The following NUP210L variants were observed in gnomAD, a reference collection of about 807,000 sequenced individuals.
NUP210L encodes the protein nucleoporin 210 like.
NUP210L carries 74 observed loss-of-function variants against 208.5 expected under a neutral mutation model. The ratio of observed to expected loss-of-function variants is 0.35; its 90% CI spans 0.29 to 0.43. NUP210L has a LOEUF of 0.43. Among genes scored for constraint, NUP210L ranks in the 20% least tolerant of loss-of-function variants. The pLI is 1.00. For missense variants in NUP210L, 1,843 were observed against 2,289.4 expected (o/e 0.81, Z 3.98); for synonymous variants, 780 against 816.9 (o/e 0.95, Z 0.77).
In NUP210L at chr1:154,035,658, T is replaced by TA. The variant is rs1652493978; in HGVS notation, c.3697-5605dup. Among the ~76,000 whole-genome samples the TA allele has an allele frequency of 2.6e-5, 4 of 152,014 alleles. No individual in the cohort carries two copies. The South Asian group carries it at 8.3e-4, about 32-fold the overall frequency. ...AAGTGATCTGCCCACCTGGGCCTCC[T>TA]AAAGTGCTGGGATTACAGGTGACCG... On this transcript the variant is annotated intron_variant, in intron 27 of 39. Coordinates refer to ENST00000368559, the Ensembl canonical transcript of NUP210L.
chr1:154,042,345 C>T (rs1652931094), intron 27 of NUP210L, among the ~76,000 whole-genome samples: 1 of 151,894 alleles, frequency 6.6e-6, no homozygotes, highest in African/African-American at 2.4e-5. Context: ...TCATGCGATC[C>T]ACTCACCTTG....
intron 16 of NUP210L, among the ~76,000 whole-genome samples, chr1:154,080,843 G>A (rs1655281267): frequency 6.6e-6 from 1 of 151,842 alleles, no homozygotes; most frequent in Non-Finnish European, 1.5e-5. Context: ...ATGGTGGCAT[G>A]TGCTCTTGGA....
At chr1:154,104,747 G>T (rs1303126497) in intron 12 of NUP210L, among the ~76,000 whole-genome samples, 2 of 152,056 alleles carry the variant, frequency 1.3e-5, no homozygotes, top group Non-Finnish European at 2.9e-5. Flanking sequence ...CGACACTGTG[G>T]GCTAAAGCAC....
intron 4 of NUP210L, among the ~76,000 whole-genome samples, chr1:154,140,782 A>C (rs1457358540): frequency 1.3e-5 from 2 of 151,476 alleles, no homozygotes; most frequent in African/African-American, 4.9e-5. Context: ...GGAGATTGAG[A>C]ACATCCTGGC....
intron 30 of NUP210L, among the ~76,000 whole-genome samples, chr1:154,024,668 A>G (rs1187761771): frequency 6.7e-6 from 1 of 148,202 alleles, no homozygotes; most frequent in Admixed American, 6.8e-5. Flanking sequence ...GACTGCAGAC[A>G]TGTGCCACCA....
intron 33 of NUP210L, among the ~76,000 whole-genome samples, chr1:154,017,368 A>G (rs1297248002): frequency 6.8e-6 from 1 of 147,264 alleles, no homozygotes; most frequent in Non-Finnish European, 1.5e-5. Context: ...TACTGCAAAA[A>G]CCATCAGTCA....
chr1:154,103,979 A>G (rs760223260), intron 13 of NUP210L, 33 bp downstream of exon 13: 2 of 1,512,846 alleles, frequency 1.3e-6, no homozygotes, highest in South Asian at 1.2e-5. Context: ...AAATAAAGAC[A>G]AAGGAAGGAG....
At chr1:154,152,894 G>C (rs1467094779) in intron 1 of NUP210L, 22 bp from the exon 2 acceptor site, 3 of 1,612,152 alleles carry the variant, frequency 1.9e-6, no homozygotes, top group Non-Finnish European at 2.5e-6. Context: ...AAATTCTTAA[G>C]AGTGTGAAAT....
chr1:154,006,619 G>A (rs533407334), intron 35 of NUP210L, among the ~76,000 whole-genome samples: 4 of 149,638 alleles, frequency 2.7e-5, no homozygotes, highest in East Asian at 4.0e-4. Context: ...TCAGCCTCCC[G>A]AGTAGCTGGG....
exon 25 of NUP210L, chr1:154,054,309 C>T (rs756851189): frequency 1.3e-5 from 21 of 1,614,076 alleles, no homozygotes; most frequent in Middle Eastern, 3.3e-4. Flanking sequence ...CAACAATCTT[C>T]CCTGTAACTT....
intron 38 of NUP210L, among the ~76,000 whole-genome samples, chr1:153,993,481 G>A (rs1424393405): frequency 6.6e-6 from 1 of 151,972 alleles, no homozygotes; most frequent in Non-Finnish European, 1.5e-5. Flanking sequence ...CAGGAGAATG[G>A]TGTGAACCTG....
intron 16 of NUP210L, chr1:154,079,999 T>C (rs1182105264): frequency 6.6e-6 from 1 of 152,152 alleles, no homozygotes; most frequent in Admixed American, 6.6e-5. Flanking sequence ...CATTCACATA[T>C]ACACAAAAAT....
chr1:154,059,899 G>A (rs111265400), intron 20 of NUP210L, among the ~76,000 whole-genome samples: 116 of 152,248 alleles, frequency 7.6e-4, no homozygotes, highest in African/African-American at 2.2e-3. Context: ...TGACTATGGA[G>A]TTAGGTTAAT....
In NUP210L at chr1:154,139,789, A is replaced by G. The variant is rs1254929222; in HGVS notation, c.717+13T>C. ...AACAAGTAAGGAAAATTTATAGCAC[A>G]CAAACTTTTTACCTTATAGAATGGT... On this transcript the variant is annotated intron_variant, in intron 5 of 39. Transcript: ENST00000368559. The G allele has an allele frequency of 3.1e-6, 5 of 1,608,954 alleles. No individual in the cohort carries two copies. Among genetic ancestry groups the G allele is most frequent in the Middle Eastern group, 1.7e-4 (1 of 6,034 alleles).
intron 38 of NUP210L, among the ~76,000 whole-genome samples, chr1:153,994,507 T>G (rs548397076): frequency 6.6e-6 from 1 of 151,692 alleles, no homozygotes; most frequent in African/African-American, 2.4e-5. Flanking sequence ...AGATGGAGTT[T>G]CACCATGTTG....
intron 35 of NUP210L, among the ~76,000 whole-genome samples, chr1:154,004,431 G>A (rs531418326): frequency 2.2e-4 from 34 of 151,164 alleles, no homozygotes; most frequent in South Asian, 1.0e-3. Context: ...GCAGTGGTGC[G>A]ATCTCAGCTC....
intron 27 of NUP210L, among the ~76,000 whole-genome samples, chr1:154,040,782 G>A (rs1039044626): frequency 6.6e-6 from 1 of 151,956 alleles, no homozygotes; most frequent in Admixed American, 6.6e-5. Flanking sequence ...TACTAGAGGT[G>A]GGGTTTCACC....
intron 24 of NUP210L, 23 bp downstream of exon 24, chr1:154,054,747 A>C: frequency 1.3e-6 from 2 of 1,563,200 alleles, no homozygotes; most frequent in Non-Finnish European, 1.8e-6. Context: ...GGTAAATCTT[A>C]TTTTTTCTGC....
At position 154,034,843 on chromosome 1, in the gene NUP210L, CT is replaced by C. The variant is rs35524701; in HGVS notation, c.3697-4790del. On this transcript the variant is annotated intron_variant, in intron 27 of 39. Transcript: ENST00000368559. ...GGTTGTAATGTCTCTCTCTCTCTCT[CT>C]TTTTTTTTTTTTTTTGAGATGGAAT... 8.7e-3 allele frequency among the ~76,000 whole-genome samples: 1,179 copies of C among 136,146 alleles called. 2 individuals carry two copies. Among genetic ancestry groups the C allele is most frequent in the Non-Finnish European group, 0.011 (701 of 62,974 alleles). The allele number at this position is 136,146 out of a possible 152,430, so 89.3% of individuals were successfully genotyped here. A position where few individuals can be genotyped will look rare whatever the true frequency, so the allele number is the denominator to read the frequency against.
Sources: gnomAD v4.1 joint callset for allele counts (sites outside exome capture counted in the v4.1 genomes callset) on GRCh38, gnomAD v4.1.1 for gene constraint, MANE v1.5 for transcripts, NCBI Gene and HGNC (gene_info 2026-07-23, HGNC 2026-07-21) for gene names.